CLEC16A: variants seen among roughly 807,000 people sequenced by gnomAD.
The protein encoded by CLEC16A is protein CLEC16A.
CLEC16A carries 51 observed loss-of-function variants against 109.5 expected under a neutral mutation model. The ratio of observed to expected loss-of-function variants is 0.47; its 90% CI spans 0.37 to 0.59. The LOEUF (loss-of-function observed/expected upper bound fraction) is 0.59, where lower values mean the gene tolerates loss of function less well. Ranked by LOEUF, CLEC16A falls within the 20% of genes least tolerant of loss-of-function variation. CLEC16A has a pLI of 0.00. For synonymous variants in CLEC16A, 673 were observed against 564.2 expected (o/e 1.19, Z -2.73); for missense variants, 1,339 against 1,394.0 (o/e 0.96, Z 0.63).
intron 12 of CLEC16A, among the ~76,000 whole-genome samples, chr16:11,021,034 C>A (rs1276930304): frequency 2.0e-5 from 3 of 152,202 alleles, no homozygotes; most frequent in Non-Finnish European, 2.9e-5. Context: ...TTAGCACTAC[C>A]TTCCTGTTCA....
intron 19 of CLEC16A, among the ~76,000 whole-genome samples, chr16:11,079,343 G>A (rs1162921630): frequency 1.3e-5 from 2 of 152,168 alleles, no homozygotes; most frequent in African/African-American, 2.4e-5. Flanking sequence ...GACCATGGAG[G>A]CTCAGAAGTT....
rs2044500164 is a variant in CLEC16A at position 10,999,006 on chromosome 16, A to G, written c.1072-4068A>G. On this transcript the variant is annotated intron_variant, in intron 10 of 23. Coordinates refer to ENST00000409790, the MANE Select transcript of CLEC16A (RefSeq NM_015226.3). ...TTAGCTTTAAGAAAAAACAAAAAACAAAAAACAGGTTTTTAAAATATAGAA... is the reference window on the plus strand; with the variant it reads ...TTAGCTTTAAGAAAAAACAAAAAACGAAAAACAGGTTTTTAAAATATAGAA... Among the ~76,000 whole-genome samples, 5 of 152,372 alleles carry G rather than the reference A, an allele frequency of 3.3e-5. No homozygotes were observed. In the South Asian group the frequency reaches 1.0e-3, roughly 32 times the overall value.
intron 19 of CLEC16A, among the ~76,000 whole-genome samples, chr16:11,117,884 A>G (rs1315367969): frequency 6.6e-6 from 1 of 152,256 alleles, no homozygotes; most frequent in Admixed American, 6.5e-5. Context: ...GGTAGACCAT[A>G]GATCTAATGG....
chr16:11,073,073 C>A (rs537715463), intron 19 of CLEC16A, among the ~76,000 whole-genome samples: 11 of 152,178 alleles, frequency 7.2e-5, no homozygotes, highest in Non-Finnish European at 1.2e-4. Flanking sequence ...CCTGGAGAAG[C>A]GGTTTGCTTA....
chr16:11,081,820 G>A (rs954704816), intron 19 of CLEC16A, among the ~76,000 whole-genome samples: 2 of 152,218 alleles, frequency 1.3e-5, no homozygotes, highest in Non-Finnish European at 2.9e-5. Context: ...GACTAAAGTG[G>A]TTGGTTTTTA....
chr16:11,037,724 A>T (rs1365855584), intron 13 of CLEC16A, among the ~76,000 whole-genome samples: 1 of 152,058 alleles, frequency 6.6e-6, no homozygotes, highest in Non-Finnish European at 1.5e-5. Context: ...GTGACTGCTG[A>T]TGGGTTATAA....
intron 22 of CLEC16A, among the ~76,000 whole-genome samples, chr16:11,148,514 C>A (rs2054161482): frequency 6.6e-6 from 1 of 152,214 alleles, no homozygotes; most frequent in Non-Finnish European, 1.5e-5. Flanking sequence ...TGATGTATGA[C>A]ATAGGGATTA....
At chr16:11,166,280 G>A (rs1055415506) in intron 22 of CLEC16A, 108 bp from the exon 23 acceptor site, 86 of 1,265,790 alleles carry the variant, frequency 6.8e-5, no homozygotes, top group Non-Finnish European at 8.7e-5. Context: ...AGGGAACAGA[G>A]CAGGACTTTC....
chr16:11,178,618 GGCTGCCGCCTGCACA>G lies in CLEC16A; in HGVS notation c.3092_3106del (p.Ala1031_Thr1035del). On this transcript the variant is annotated inframe_deletion, in exon 24 of 24. Coordinates refer to ENST00000409790, the MANE Select transcript of CLEC16A (RefSeq NM_015226.3). This position sits in a 1 kb window ranked among gnomAD's most constrained non-coding sequence, Gnocchi z 6.5. ...CCGGCATGCCCCCGCTGTCCACGCCGGCTGCCGCCTGCACAGAGCCCGTGGGCGAAGAGGCTGCAT... is the reference window on the plus strand; with the variant it reads ...CCGGCATGCCCCCGCTGTCCACGCCGGAGCCCGTGGGCGAAGAGGCTGCAT... The G allele has an allele frequency of 6.2e-7, 1 of 1,600,834 alleles. No homozygotes were observed. The highest frequency in any genetic ancestry group is 8.5e-7 in the Non-Finnish European group (1 of 1,177,022).
intron 23 of CLEC16A, among the ~76,000 whole-genome samples, chr16:11,175,971 G>A (rs547773587): frequency 8.5e-5 from 13 of 152,386 alleles, no homozygotes; most frequent in African/African-American, 3.1e-4. Flanking sequence ...TTTGTCTCCA[G>A]ATGGTAGGAC....
At chr16:10,947,304 C>T (rs1169396640) in intron 1 of CLEC16A, among the ~76,000 whole-genome samples, 1 of 152,216 alleles carries the variant, frequency 6.6e-6, no homozygotes, top group African/African-American at 2.4e-5. Context: ...TGTTGGTAAA[C>T]ATCTTGGGTC....
chr16:10,997,535 C>T (rs1357126287), intron 10 of CLEC16A, among the ~76,000 whole-genome samples: 1 of 152,208 alleles, frequency 6.6e-6, no homozygotes, highest in Non-Finnish European at 1.5e-5. Flanking sequence ...AATTCACTCT[C>T]TTAACTATTC....
Position 11,123,815 on chromosome 16 carries a change from C to T in CLEC16A, c.2342C>T (p.Pro781Leu). ...NITIHKPASS[P>L]HSKPFPILQA... ...ACCATCCACAAGCCTGCGTCCAGCC[C>T]CCATTCCAAGCCCTTCCCCATCCTC... Residue 781 changes from proline (P) to leucine (L), a missense_variant, in exon 21 of 24, where the codon CCC becomes CTC. By Grantham distance (98) the Pro-to-Leu change is moderately conservative. Around this residue, in one of 3 missense-constraint regions of CLEC16A, gnomAD observed 1,061 missense variants for 1,006.8 expected, o/e 1.05. Coordinates refer to ENST00000409790, the MANE Select transcript of CLEC16A (RefSeq NM_015226.3). The T allele has an allele frequency of 6.2e-7, 1 of 1,614,074 alleles. No homozygotes were observed. Among genetic ancestry groups the T allele is most frequent in the Non-Finnish European group, 8.5e-7 (1 of 1,179,904 alleles).
At chr16:11,103,987 C>G (rs1396691855) in intron 19 of CLEC16A, among the ~76,000 whole-genome samples, 1 of 152,196 alleles carries the variant, frequency 6.6e-6, no homozygotes, top group Non-Finnish European at 1.5e-5. Context: ...TCCATTTGAC[C>G]AGAAGAGCTC....
chr16:10,998,003 G>A (rs147247480), intron 10 of CLEC16A, among the ~76,000 whole-genome samples: 16 of 152,244 alleles, frequency 1.1e-4, no homozygotes, highest in Admixed American at 2.0e-4. Context: ...GTCTCCTCTC[G>A]TTCACTCAGG....
intron 1 of CLEC16A, among the ~76,000 whole-genome samples, chr16:10,956,556 C>A (rs1229922196): frequency 1.3e-5 from 2 of 152,190 alleles, no homozygotes; most frequent in East Asian, 3.9e-4. Flanking sequence ...GTGAAGTTAC[C>A]TGGGGCTGTG....
intron 11 of CLEC16A, among the ~76,000 whole-genome samples, chr16:11,018,464 C>T (rs1482770319): frequency 6.7e-6 from 1 of 150,366 alleles, no homozygotes; most frequent in Non-Finnish European, 1.5e-5. Flanking sequence ...TAGAAACAAG[C>T]TTGGGCCAGG....
At chr16:11,126,512 T>C (rs1257242965) in intron 22 of CLEC16A, 2 of 892,858 alleles carry the variant, frequency 2.2e-6, no homozygotes, top group African/African-American at 3.4e-5. Context: ...GAGAGTGTGT[T>C]TGGTTCCGGT....
intron 10 of CLEC16A, among the ~76,000 whole-genome samples, chr16:10,995,239 C>T (rs942031443): frequency 6.6e-6 from 1 of 152,164 alleles, no homozygotes; most frequent in Non-Finnish European, 1.5e-5. Context: ...AATATGATGC[C>T]CATTGATGGC....
Sources: gnomAD v4.1 joint callset for allele counts (sites outside exome capture counted in the v4.1 genomes callset) on GRCh38, gnomAD v4.1.1 for gene constraint, gnomAD v4.1.1 regional missense constraint, Gnocchi (gnomAD v3.1) non-coding constraint, MANE v1.5 for transcripts, NCBI Gene and HGNC (gene_info 2026-07-23, HGNC 2026-07-21) for gene names.